The following COMMD10 variants were observed in gnomAD, a reference collection of about 807,000 sequenced individuals.
COMMD10 encodes COMM domain-containing protein 10.
In COMMD10, 33 loss-of-function variants were observed where a neutral mutation model predicts 28.9. That is an observed-to-expected ratio of 1.14 (90% CI 0.87 to 1.53). COMMD10 has a LOEUF of 1.53. Ranked by LOEUF, COMMD10 falls within the 40% of genes most tolerant of loss-of-function variation. The pLI is 0.00. For missense variants in COMMD10, 310 were observed against 233.4 expected (o/e 1.33, Z -2.14); for synonymous variants, 110 against 81.7 (o/e 1.35, Z -1.87).
chr5:116,233,996 A>T (rs1409279207), intron 5 of COMMD10, among the ~76,000 whole-genome samples: 1 of 152,218 alleles, frequency 6.6e-6, no homozygotes, highest in African/African-American at 2.4e-5. Flanking sequence ...GTAAAGAGTA[A>T]TAATCAAAAA....
chr5:116,227,421 T>G (rs1050675548), intron 5 of COMMD10, among the ~76,000 whole-genome samples: 1 of 152,072 alleles, frequency 6.6e-6, no homozygotes, highest in African/African-American at 2.4e-5. Context: ...CTTTTGTCTT[T>G]CACAAGATCT....
chr5:116,203,169 G>T (rs761703587), intron 5 of COMMD10, among the ~76,000 whole-genome samples: 6 of 152,098 alleles, frequency 3.9e-5, no homozygotes, highest in Non-Finnish European at 7.4e-5. Flanking sequence ...ATGAAATGAA[G>T]CGAGAAGGAA....
chr5:116,258,709 T>C (rs1750358054), intron 5 of COMMD10, among the ~76,000 whole-genome samples: 1 of 151,764 alleles, frequency 6.6e-6, no homozygotes, highest in South Asian at 2.1e-4. Flanking sequence ...CCCTTTTTCA[T>C]CCCTTCGTCC....
At chr5:116,265,063 C>T (rs1186314292) in intron 5 of COMMD10, among the ~76,000 whole-genome samples, 1 of 151,740 alleles carries the variant, frequency 6.6e-6, no homozygotes, top group Admixed American at 6.6e-5. Flanking sequence ...TAGCCTCATT[C>T]TATTACAGAC....
intron 4 of COMMD10, among the ~76,000 whole-genome samples, chr5:116,128,406 T>A (rs1295670070): frequency 6.6e-6 from 1 of 151,992 alleles, no homozygotes; most frequent in Admixed American, 6.6e-5. Flanking sequence ...ACCTAGGACA[T>A]TAAAGTGTAA....
At chr5:116,113,229 G>T (rs1483980788) in intron 4 of COMMD10, among the ~76,000 whole-genome samples, 1 of 151,916 alleles carries the variant, frequency 6.6e-6, no homozygotes, top group African/African-American at 2.4e-5. Flanking sequence ...CTTTTCTCTT[G>T]ATTGTAGAAT....
chr5:116,256,742 G>C (rs72806930), intron 5 of COMMD10, among the ~76,000 whole-genome samples: 8,021 of 151,786 alleles, frequency 0.053, 304 homozygotes, highest in East Asian at 0.14. Context: ...TAAACATATA[G>C]GTTGAAGGTA....
intron 5 of COMMD10, among the ~76,000 whole-genome samples, chr5:116,172,471 T>C (rs185348049): frequency 6.6e-6 from 1 of 152,312 alleles, no homozygotes; most frequent in Non-Finnish European, 1.5e-5. Flanking sequence ...TTTTTGATTC[T>C]ACAAAATCAT....
chr5:116,221,614 C>T (rs192095864), intron 5 of COMMD10, among the ~76,000 whole-genome samples: 6 of 152,214 alleles, frequency 3.9e-5, no homozygotes, highest in Admixed American at 3.9e-4. Context: ...AGGTTTAGGT[C>T]TTAGTAGTAA....
intron 4 of COMMD10, among the ~76,000 whole-genome samples, chr5:116,110,856 A>G (rs1251449800): frequency 1.3e-5 from 2 of 152,150 alleles, no homozygotes; most frequent in Non-Finnish European, 2.9e-5. Flanking sequence ...AGAATTCACT[A>G]TTGTGAGGAC....
chr5:116,134,072 A>C lies in COMMD10; in HGVS notation c.404A>C (p.Glu135Ala). ...RQRILAPCKL[E>A]TVGWQLNLQM... is the part of the protein sequence containing the mutation. ...ATCTGCACCTGTCTTTTATAGCTAG[A>C]GACCGTTGGATGGCAGCTTAACCTT... is the stretch of plus-strand genomic sequence containing the variant. The change falls in exon 5 of 7, where the codon GAG (glutamate) becomes GCG (alanine). Residue 135 changes from glutamate to alanine, a missense_variant. Coordinates refer to ENST00000274458, the MANE Select transcript of COMMD10 (RefSeq NM_016144.4). The C allele has an allele frequency of 6.4e-7, 1 of 1,572,542 alleles. No individual in the cohort carries two copies. The highest frequency in any genetic ancestry group is 8.8e-7 in the Non-Finnish European group (1 of 1,141,284).
At chr5:116,186,836 G>A (rs9686686) in intron 5 of COMMD10, among the ~76,000 whole-genome samples, 47,650 of 151,944 alleles carry the variant, frequency 0.31, 10,349 homozygotes, top group African/African-American at 0.62. Context: ...ATTTTAAGTG[G>A]AGGAAAAACT....
chr5:116,178,726 C>G (rs903415452), intron 5 of COMMD10, among the ~76,000 whole-genome samples: 1 of 152,078 alleles, frequency 6.6e-6, no homozygotes, highest in Non-Finnish European at 1.5e-5. Context: ...GTTGACTCTG[C>G]TTTTCTTAGC....
chr5:116,161,027 G>GA (rs1752898206), intron 5 of COMMD10, among the ~76,000 whole-genome samples: 1 of 151,992 alleles, frequency 6.6e-6, no homozygotes, highest in African/African-American at 2.4e-5. Flanking sequence ...GTAGGGCTTT[G>GA]AAAAAATATC....
At chr5:116,286,126 G>T (rs1345367421) in intron 5 of COMMD10, among the ~76,000 whole-genome samples, 1 of 151,568 alleles carries the variant, frequency 6.6e-6, no homozygotes, top group East Asian at 1.9e-4. Context: ...CTTGTCTTAG[G>T]TTATTCAACT....
chr5:116,250,646 T>C (rs1750086334), intron 5 of COMMD10, among the ~76,000 whole-genome samples: 1 of 151,682 alleles, frequency 6.6e-6, no homozygotes, highest in Non-Finnish European at 1.5e-5. Context: ...AAGAAATTAC[T>C]AGGAGAAGGA....
chr5:116,124,212 A>T (rs1347672998), intron 4 of COMMD10, among the ~76,000 whole-genome samples: 1 of 152,174 alleles, frequency 6.6e-6, no homozygotes, highest in African/African-American at 2.4e-5. Flanking sequence ...ATTTAGTGCT[A>T]TAAATTTCCT....
chr5:116,153,183 G>C (rs867316631), intron 5 of COMMD10, among the ~76,000 whole-genome samples: 6 of 152,030 alleles, frequency 3.9e-5, no homozygotes, highest in Admixed American at 3.9e-4. Context: ...TCTTACATAG[G>C]TTAAGATACA....
At position 116,131,405 on chromosome 5, in the gene COMMD10, GTGTATGTATGTATGTA is replaced by G. The variant is rs558285575; in HGVS notation, c.400-2651_400-2636del. On this transcript the variant is annotated intron_variant, in intron 4 of 6. Transcript: ENST00000274458. Reference sequence around the variant, plus strand: ...GGGGTATGTGTGTGTGTGTGTATGTGTGTATGTATGTATGTATGTATGTATGTGTATGTGAAGAACC... The same window carrying G: ...GGGGTATGTGTGTGTGTGTGTATGTGTGTATGTATGTGTATGTGAAGAACC... 1.5e-3 allele frequency among the ~76,000 whole-genome samples: 229 copies of G among 151,782 alleles called. 2 individuals are homozygous for G. The highest frequency in any genetic ancestry group is 5.5e-3 in the African/African-American group (226 of 41,408).
Sources: allele counts gnomAD v4.1 joint callset (sites outside exome capture counted in the v4.1 genomes callset), GRCh38; gene constraint gnomAD v4.1.1; transcripts MANE v1.5; gene names NCBI Gene and HGNC (gene_info 2026-07-23, HGNC 2026-07-21).